The following SAP30BP variants were observed in gnomAD, a reference collection of about 807,000 sequenced individuals.
SAP30BP encodes SAP30-binding protein.
SAP30BP carries 31 observed loss-of-function variants against 46.3 expected under a neutral mutation model. The ratio of observed to expected loss-of-function variants is 0.67; its 90% CI spans 0.50 to 0.90. The LOEUF is 0.90. Ranked by LOEUF, SAP30BP falls within the 40% of genes least tolerant of loss-of-function variation. The pLI, the probability that SAP30BP is intolerant of heterozygous loss-of-function variation, is 0.00. For missense variants in SAP30BP, 312 were observed against 391.0 expected (o/e 0.80, Z 1.70); for synonymous variants, 169 against 144.2 (o/e 1.17, Z -1.23).
intron 2 of SAP30BP, among the ~76,000 whole-genome samples, chr17:75,669,554 T>A (rs1230383524): frequency 6.6e-6 from 1 of 152,114 alleles, no homozygotes; most frequent in Non-Finnish European, 1.5e-5. Flanking sequence ...ATTTTTAAAA[T>A]TTAAAAAAAA....
intron 3 of SAP30BP, among the ~76,000 whole-genome samples, chr17:75,682,442 C>A (rs2060091289): frequency 6.6e-6 from 1 of 152,082 alleles, no homozygotes; most frequent in South Asian, 2.1e-4. Flanking sequence ...GCCTCGGCCT[C>A]CCAAAGTGCT....
intron 3 of SAP30BP, among the ~76,000 whole-genome samples, chr17:75,681,323 A>T (rs1419486516): frequency 6.6e-6 from 1 of 152,202 alleles, no homozygotes; most frequent in Non-Finnish European, 1.5e-5. Flanking sequence ...GTCCTCACTT[A>T]GCCTCCTCTG....
At chr17:75,679,542 G>A (rs1431664740) in intron 3 of SAP30BP, 1 of 152,178 alleles carries the variant, frequency 6.6e-6, no homozygotes, top group Non-Finnish European at 1.5e-5. Flanking sequence ...CCATGTTTGG[G>A]AGCGTGAGTA....
At chr17:75,696,147 A>G (rs1183874531) in intron 4 of SAP30BP, among the ~76,000 whole-genome samples, 2 of 152,208 alleles carry the variant, frequency 1.3e-5, no homozygotes, top group Admixed American at 6.5e-5. Context: ...GAACACACCC[A>G]TCAGACCCAG....
At chr17:75,698,498 A>G (rs192554609) in intron 4 of SAP30BP, among the ~76,000 whole-genome samples, 39 of 152,130 alleles carry the variant, frequency 2.6e-4, no homozygotes, top group African/African-American at 9.4e-4. Context: ...AGTATTTTAG[A>G]GACATATGCA....
At chr17:75,678,382 G>A (rs1345652494) in intron 3 of SAP30BP, among the ~76,000 whole-genome samples, 1 of 152,038 alleles carries the variant, frequency 6.6e-6, no homozygotes, top group Non-Finnish European at 1.5e-5. Flanking sequence ...AAATGGCTGT[G>A]TAACTAGTTG....
At chr17:75,693,149 C>A in intron 3 of SAP30BP, 1 of 370,522 alleles carries the variant, frequency 2.7e-6, no homozygotes, top group Non-Finnish European at 5.0e-6. Flanking sequence ...CAGTTGGCTG[C>A]AGCAGGCTTG....
chr17:75,694,071 C>G (rs927681620), intron 4 of SAP30BP, among the ~76,000 whole-genome samples: 1 of 152,068 alleles, frequency 6.6e-6, no homozygotes, highest in Non-Finnish European at 1.5e-5. Context: ...AAAGCCCGAC[C>G]GGGGGGCAGT....
intron 3 of SAP30BP, among the ~76,000 whole-genome samples, chr17:75,679,214 T>C (rs2060039386): frequency 6.6e-6 from 1 of 152,116 alleles, no homozygotes; most frequent in Non-Finnish European, 1.5e-5. Flanking sequence ...GCCAGGATGG[T>C]CTCGATCTCC....
intron 3 of SAP30BP, among the ~76,000 whole-genome samples, chr17:75,682,808 C>CA (rs1351245821): frequency 3.2e-4 from 49 of 151,156 alleles, no homozygotes; most frequent in South Asian, 1.5e-3. Context: ...ACTAAAAATA[C>CA]AAAAATTAGC....
rs1255907349 is a variant in SAP30BP at position 75,703,866 on chromosome 17, T to G, written c.601+7T>G. ...TCCTACTATGAGGCATTAGGTAGCC[T>G]TTCGTCCCTCCTCCCATATACCTTG... On this transcript the variant is annotated splice_region_variant and intron_variant, in intron 8 of 10. Transcript: ENST00000584667. 3.7e-6 allele frequency: 6 copies of G among 1,606,308 alleles called. No individual in the cohort carries two copies. Among genetic ancestry groups the G allele is most frequent in the Non-Finnish European group, 5.1e-6 (6 of 1,172,922 alleles).
intron 5 of SAP30BP, among the ~76,000 whole-genome samples, chr17:75,701,467 G>A (rs1260154456): frequency 6.6e-6 from 1 of 152,114 alleles, no homozygotes; most frequent in Non-Finnish European, 1.5e-5. Flanking sequence ...GGACGCCTGT[G>A]GCACTGGCCA....
At chr17:75,705,008 G>A (rs1245238908) in intron 9 of SAP30BP, 194 bp downstream of exon 9, 3 of 584,538 alleles carry the variant, frequency 5.1e-6, no homozygotes, top group East Asian at 5.8e-5. Context: ...TGCTGCTTTT[G>A]CCCTCGGAGA....
chr17:75,690,011 G>T (rs1471838338), intron 3 of SAP30BP, among the ~76,000 whole-genome samples: 1 of 152,192 alleles, frequency 6.6e-6, no homozygotes, highest in African/African-American at 2.4e-5. Flanking sequence ...ACCGGGTACA[G>T]TGTTCACTTT....
rs751765357 is a variant in SAP30BP, at chr17:75,699,784, C to T, written c.309C>T (p.Ala103=). The T allele has an allele frequency of 2.5e-6, 4 of 1,611,374 alleles. No individual in the cohort carries two copies. The highest frequency in any genetic ancestry group is 1.1e-5 in the South Asian group (1 of 91,002). ...AEKRDPQELV[A]SFSERVRNMS... is the part of the protein sequence containing the mutation. ...AATTTTTCCTTCTTCTCTCAACAGC[C>T]TCCTTTTCTGAAAGAGTTCGGAACA... The change falls in exon 5 of 11, where the codon GCC becomes GCT. Residue 103 remains alanine, a splice_region_variant and synonymous_variant. Coordinates refer to ENST00000584667, the MANE Select transcript of SAP30BP (RefSeq NM_013260.8).
At chr17:75,673,777 G>C (rs910538484) in intron 3 of SAP30BP, among the ~76,000 whole-genome samples, 1 of 152,140 alleles carries the variant, frequency 6.6e-6, no homozygotes, top group Admixed American at 6.5e-5. Context: ...ACCCAAAAAA[G>C]GTGAAGCTGG....
At chr17:75,691,390 C>T (rs1020149684) in intron 3 of SAP30BP, 3 of 455,564 alleles carry the variant, frequency 6.6e-6, no homozygotes, top group African/African-American at 2.0e-5. Flanking sequence ...CTCTTTTCTT[C>T]CAGAGACGTG....
At chr17:75,676,866 T>A (rs2059998189) in intron 3 of SAP30BP, among the ~76,000 whole-genome samples, 1 of 152,156 alleles carries the variant, frequency 6.6e-6, no homozygotes, top group African/African-American at 2.4e-5. Context: ...AAAGACATAG[T>A]ATGTATAGGT....
At chr17:75,683,500 A>C (rs1409584634) in intron 3 of SAP30BP, 1 of 152,078 alleles carries the variant, frequency 6.6e-6, no homozygotes, top group African/African-American at 2.4e-5. Flanking sequence ...TATTTTCTTC[A>C]GCTATATAAG....
Sources: gnomAD v4.1 joint callset for allele counts (sites outside exome capture counted in the v4.1 genomes callset) on GRCh38, gnomAD v4.1.1 for gene constraint, MANE v1.5 for transcripts, NCBI Gene and HGNC (gene_info 2026-07-23, HGNC 2026-07-21) for gene names.